SLC39A10: variants seen among roughly 807,000 people sequenced by gnomAD.
SLC39A10 encodes zinc transporter ZIP10.
In SLC39A10, 13 loss-of-function variants were observed where a neutral mutation model predicts 65.1. The observed-to-expected ratio is 0.20, with a 90% confidence interval of 0.13 to 0.32. The LOEUF is 0.32. Among genes scored for constraint, SLC39A10 ranks in the 10% least tolerant of loss-of-function variants. The pLI, the probability that SLC39A10 is intolerant of heterozygous loss-of-function variation, is 1.00. For missense variants in SLC39A10, 831 were observed against 1,018.4 expected (o/e 0.82, Z 2.50); for synonymous variants, 321 against 342.2 (o/e 0.94, Z 0.68).
chr2:195,663,159 A>T (rs1033066398), intron 1 of SLC39A10, among the ~76,000 whole-genome samples: 1 of 152,186 alleles, frequency 6.6e-6, no homozygotes, highest in African/African-American at 2.4e-5. Flanking sequence ...CTCTCAGAGC[A>T]GGAAATGGAT....
intron 3 of SLC39A10, among the ~76,000 whole-genome samples, chr2:195,687,999 G>T (rs1374832468): frequency 6.6e-6 from 1 of 152,148 alleles, no homozygotes; most frequent in African/African-American, 2.4e-5. Context: ...CTTTTTAAAA[G>T]AATGCATTTT....
At chr2:195,699,391 G>A (rs1691093774) in intron 3 of SLC39A10, among the ~76,000 whole-genome samples, 3 of 75,556 alleles carry the variant, frequency 4.0e-5, no homozygotes, top group Admixed American at 3.4e-4. Context: ...TTTGGTTTGA[G>A]ATCTTACTTG....
intron 2 of SLC39A10, among the ~76,000 whole-genome samples, chr2:195,619,114 A>AAG (rs1553490932): frequency 3.0e-5 from 4 of 131,966 alleles, no homozygotes; most frequent in African/African-American, 6.3e-5. Flanking sequence ...AAAAAAAAAA[A>AAG]AGAGAGAGAG....
chr2:195,613,916 A>G (rs947357601), intron 2 of SLC39A10, among the ~76,000 whole-genome samples: 13 of 152,148 alleles, frequency 8.5e-5, no homozygotes, highest in Non-Finnish European at 1.6e-4. Flanking sequence ...CAATGTGGAG[A>G]AAGGAATCTT....
At chr2:195,618,493 T>G (rs1318239828) in intron 2 of SLC39A10, among the ~76,000 whole-genome samples, 8 of 152,186 alleles carry the variant, frequency 5.3e-5, no homozygotes, top group Admixed American at 2.6e-4. Flanking sequence ...ATTTAAATAT[T>G]CAATCTGTAT....
At chr2:195,666,947 A>T (rs1689659206) in intron 1 of SLC39A10, among the ~76,000 whole-genome samples, 1 of 152,246 alleles carries the variant, frequency 6.6e-6, no homozygotes, top group Non-Finnish European at 1.5e-5. Context: ...CTGTAATGAA[A>T]GGCTGAAAAG....
chr2:195,663,457 A>G (rs1264397978), intron 1 of SLC39A10, among the ~76,000 whole-genome samples: 2 of 152,214 alleles, frequency 1.3e-5, no homozygotes, highest in East Asian at 1.9e-4. Flanking sequence ...GAAACAATAC[A>G]TGGTGTGTTA....
intron 2 of SLC39A10, among the ~76,000 whole-genome samples, chr2:195,623,175 G>A (rs765864608): frequency 3.2e-4 from 49 of 152,028 alleles, no homozygotes; most frequent in Admixed American, 1.4e-3. Flanking sequence ...GTATGTAAAT[G>A]AATCACTTCC....
In SLC39A10 at chr2:195,680,277, T is replaced by A; in HGVS notation, c.235T>A (p.Phe79Ile). Reference protein sequence around the residue: ...ERYGENGRLSFFGLEKLLTNL... With the variant: ...ERYGENGRLSIFGLEKLLTNL... ...TTATGGTGAAAATGGAAGATTATCC[T>A]TTTTTGGTTTGGAGAAACTTTTAAC... is the stretch of plus-strand genomic sequence containing the variant. Residue 79 changes from phenylalanine (F) to isoleucine (I), a missense_variant, in exon 2 of 10, where the codon TTT becomes ATT. Phe to Ile is a conservative substitution (Grantham distance 21, BLOSUM62 0). This residue lies in a region of SLC39A10 where 446 missense variants were observed against 499.2 expected (regional missense o/e 0.89). Coordinates refer to ENST00000359634, the MANE Select transcript of SLC39A10 (RefSeq NM_020342.3). The A allele has an allele frequency of 6.2e-7, 1 of 1,614,010 alleles. No homozygotes were observed. Among genetic ancestry groups the A allele is most frequent in the Non-Finnish European group, 8.5e-7 (1 of 1,179,990 alleles).
intron 3 of SLC39A10, among the ~76,000 whole-genome samples, chr2:195,686,170 C>T (rs1305529309): frequency 6.6e-6 from 1 of 152,074 alleles, no homozygotes; most frequent in Non-Finnish European, 1.5e-5. Context: ...ATTGAGAGGA[C>T]AGAATTTTTA....
chr2:195,733,559 T>G (rs1056087061), intron 9 of SLC39A10, among the ~76,000 whole-genome samples: 1 of 152,102 alleles, frequency 6.6e-6, no homozygotes, highest in Non-Finnish European at 1.5e-5. Context: ...AGACGGAGTT[T>G]TGCTCTTGTT....
At chr2:195,651,081 T>G (rs1056672390) in intron 2 of SLC39A10, among the ~76,000 whole-genome samples, 2 of 122,112 alleles carry the variant, frequency 1.6e-5, no homozygotes, top group African/African-American at 3.6e-5. Context: ...AAAAAAAATG[T>G]TTTTTTTTTT....
chr2:195,643,140 A>T (rs543007415), intron 2 of SLC39A10, among the ~76,000 whole-genome samples: 1 of 152,334 alleles, frequency 6.6e-6, no homozygotes, highest in African/African-American at 2.4e-5. Flanking sequence ...GATTTGGAGG[A>T]AGTCACTGCC....
chr2:195,705,293 T>C (rs1363965544), intron 3 of SLC39A10, among the ~76,000 whole-genome samples: 3 of 152,180 alleles, frequency 2.0e-5, no homozygotes, highest in Non-Finnish European at 4.4e-5. Flanking sequence ...TTATTTTGCC[T>C]CTTAGGTTAC....
intron 6 of SLC39A10, among the ~76,000 whole-genome samples, chr2:195,715,655 T>C (rs990182290): frequency 6.6e-6 from 1 of 152,072 alleles, no homozygotes; most frequent in Admixed American, 6.6e-5. Context: ...GTGACACTAA[T>C]GTGACACTTG....
At chr2:195,618,845 C>T (rs1574475963) in intron 2 of SLC39A10, among the ~76,000 whole-genome samples, 1 of 152,034 alleles carries the variant, frequency 6.6e-6, no homozygotes, top group Non-Finnish European at 1.5e-5. Flanking sequence ...GTAATCCCAG[C>T]ACTTCAGGAG....
chr2:195,667,795 A>G (rs1258941882), intron 1 of SLC39A10, among the ~76,000 whole-genome samples: 1 of 152,216 alleles, frequency 6.6e-6, no homozygotes, highest in Non-Finnish European at 1.5e-5. Flanking sequence ...TACTGTATAC[A>G]AAATACCACA....
chr2:195,628,439 A>G (rs758768122), intron 2 of SLC39A10, among the ~76,000 whole-genome samples: 71 of 152,222 alleles, frequency 4.7e-4, no homozygotes, highest in Non-Finnish European at 5.1e-4. Context: ...TCTTAGATCA[A>G]CCAACAGCCA....
intron 1 of SLC39A10, among the ~76,000 whole-genome samples, chr2:195,675,600 T>C (rs918248705): frequency 1.4e-4 from 21 of 151,990 alleles, no homozygotes; most frequent in Admixed American, 1.4e-3. Context: ...CCTGGCTAAT[T>C]TTTTTGAATC....
Sources: allele counts gnomAD v4.1 joint callset (sites outside exome capture counted in the v4.1 genomes callset), GRCh38; gene constraint gnomAD v4.1.1; regional missense constraint gnomAD v4.1.1; transcripts MANE v1.5; gene names NCBI Gene and HGNC (gene_info 2026-07-23, HGNC 2026-07-21).